Variants in KIF6 observed in about 807,000 individuals in gnomAD.
KIF6 encodes the protein kinesin-like protein KIF6.
Under a neutral mutation model 112.7 loss-of-function variants are expected in KIF6, and 106 were observed. The observed-to-expected ratio is 0.94, with a 90% CI of 0.80 to 1.11. KIF6 has a LOEUF of 1.11. Among genes scored for constraint, KIF6 ranks in the 50% least tolerant of loss-of-function variants. The pLI is 0.00. For synonymous variants in KIF6, 339 were observed against 339.9 expected, an observed-to-expected ratio of 1.00 and a Z score of 0.03; for missense variants, 929 against 964.0, an observed-to-expected ratio of 0.96 and a Z score of 0.48.
At chr6:39,389,718 T>G (rs1334998398) in intron 15 of KIF6, among the ~76,000 whole-genome samples, 1 of 152,148 alleles carries the variant, frequency 6.6e-6, no homozygotes, top group East Asian at 1.9e-4. Context: ...CTTTGCTATT[T>G]CAGTTATTCT....
chr6:39,668,667 T>C (rs1429084241), intron 3 of KIF6, among the ~76,000 whole-genome samples: 1 of 152,216 alleles, frequency 6.6e-6, no homozygotes, highest in Non-Finnish European at 1.5e-5. Flanking sequence ...GGCCATCTCA[T>C]GAAAACTTTT....
intron 17 of KIF6, among the ~76,000 whole-genome samples, chr6:39,360,820 T>C (rs1414639085): frequency 6.6e-6 from 1 of 152,182 alleles, no homozygotes; most frequent in Non-Finnish European, 1.5e-5. Flanking sequence ...GAGCACTTAC[T>C]AAGGGATAAG....
At chr6:39,345,564 C>A in intron 21 of KIF6, 136 bp downstream of exon 21, 5 of 627,746 alleles carry the variant, frequency 8.0e-6, no homozygotes, top group South Asian at 7.3e-5. Flanking sequence ...CCCAGGGGAC[C>A]AGGGCAGAGG....
chr6:39,422,862 C>T lies in KIF6; in HGVS notation c.1755-2859G>A, dbSNP rs570808612. Among the ~76,000 whole-genome samples the T allele has an allele frequency of 8.5e-5, 13 of 152,254 alleles. 1 individual carries two copies. The South Asian group carries it at 2.1e-3, about 24-fold the overall frequency. On this transcript the variant is annotated intron_variant, in intron 14 of 22. Transcript: ENST00000287152. The stretch of plus-strand genomic sequence containing the variant: ...TCCTGCCTCCTGATTATCTAAAAGG[C>T]GCATCCTCATCCATGAGATGGCTCA...
chr6:39,714,335 G>C (rs563634728), intron 3 of KIF6, among the ~76,000 whole-genome samples: 55 of 152,222 alleles, frequency 3.6e-4, no homozygotes, highest in African/African-American at 1.3e-3. Flanking sequence ...CCGTACTGAG[G>C]AAAGAACACT....
intron 13 of KIF6, among the ~76,000 whole-genome samples, chr6:39,513,343 C>T (rs1438360797): frequency 1.3e-5 from 2 of 152,188 alleles, no homozygotes; most frequent in Non-Finnish European, 2.9e-5. Flanking sequence ...GAGGTAATGG[C>T]AGGCTGATTA....
At chr6:39,551,580 G>A (rs531500214) in intron 10 of KIF6, among the ~76,000 whole-genome samples, 10 of 151,978 alleles carry the variant, frequency 6.6e-5, no homozygotes, top group Non-Finnish European at 1.2e-4. Flanking sequence ...CACATTATAC[G>A]TTTGTATCAA....
At chr6:39,677,807 T>G (rs1381342677) in intron 3 of KIF6, among the ~76,000 whole-genome samples, 1 of 133,482 alleles carries the variant, frequency 7.5e-6, no homozygotes, top group East Asian at 2.1e-4. Context: ...CTTGCGATAG[T>G]TTACTGAGAA....
chr6:39,537,217 G>A (rs951218685), intron 13 of KIF6, among the ~76,000 whole-genome samples: 1 of 152,174 alleles, frequency 6.6e-6, no homozygotes, highest in African/African-American at 2.4e-5. Flanking sequence ...TCTGGCCAGG[G>A]CACTCAGGCA....
intron 15 of KIF6, among the ~76,000 whole-genome samples, chr6:39,388,677 A>G (rs150429141): frequency 1.0e-3 from 155 of 152,304 alleles, no homozygotes; most frequent in Non-Finnish European, 2.0e-3. Flanking sequence ...GTTTTGGCAA[A>G]AAAAGGAGTT....
At chr6:39,522,652 T>C (rs1777462778) in intron 13 of KIF6, among the ~76,000 whole-genome samples, 1 of 152,190 alleles carries the variant, frequency 6.6e-6, no homozygotes, top group Middle Eastern at 3.2e-3. Context: ...TCCTTGAAGT[T>C]CTCATCTTAC....
intron 2 of KIF6, among the ~76,000 whole-genome samples, chr6:39,718,070 T>C (rs1221929090): frequency 6.6e-6 from 1 of 150,460 alleles, no homozygotes; most frequent in Admixed American, 6.6e-5. Flanking sequence ...CTACTAAAAA[T>C]GGAAACAAAA....
intron 16 of KIF6, among the ~76,000 whole-genome samples, chr6:39,380,739 A>G (rs536805663): frequency 6.6e-6 from 1 of 152,302 alleles, no homozygotes; most frequent in East Asian, 1.9e-4. Context: ...ATCTCGCTAA[A>G]TGTGGATTTG....
chr6:39,446,298 G>A (rs567483137), intron 13 of KIF6, among the ~76,000 whole-genome samples: 1 of 152,242 alleles, frequency 6.6e-6, no homozygotes, highest in East Asian at 1.9e-4. Flanking sequence ...ACTATCCAAT[G>A]CCTTTGTAAT....
chr6:39,645,625 G>A (rs1431392892), intron 3 of KIF6, among the ~76,000 whole-genome samples: 2 of 151,876 alleles, frequency 1.3e-5, no homozygotes, highest in African/African-American at 4.8e-5. Flanking sequence ...CTCTTTTTTT[G>A]TTGTGTCTCT....
chr6:39,355,836 T>C (rs569403187), intron 19 of KIF6, among the ~76,000 whole-genome samples: 60 of 152,026 alleles, frequency 3.9e-4, no homozygotes, highest in Admixed American at 2.6e-4. Context: ...GTTGGAAAGA[T>C]AGTGCATGGA....
chr6:39,520,045 C>T (rs1223603196), intron 13 of KIF6, among the ~76,000 whole-genome samples: 3 of 151,906 alleles, frequency 2.0e-5, no homozygotes, highest in African/African-American at 7.3e-5. Flanking sequence ...AACAAACTAA[C>T]AAAAAAATAA....
intron 15 of KIF6, among the ~76,000 whole-genome samples, chr6:39,403,766 A>G (rs899130716): frequency 2.0e-5 from 3 of 152,214 alleles, no homozygotes; most frequent in Non-Finnish European, 4.4e-5. Flanking sequence ...AGCAACATAC[A>G]AGAGTTCCAG....
At chr6:39,377,793 C>T (rs1766571394) in intron 16 of KIF6, among the ~76,000 whole-genome samples, 2 of 152,176 alleles carry the variant, frequency 1.3e-5, no homozygotes, top group African/African-American at 4.8e-5. Context: ...TGCCTGATTT[C>T]CCGGGTCAGG....
Sources: allele counts gnomAD v4.1 joint callset (sites outside exome capture counted in the v4.1 genomes callset), GRCh38; gene constraint gnomAD v4.1.1; transcripts MANE v1.5; gene names NCBI Gene and HGNC (gene_info 2026-07-23, HGNC 2026-07-21).